SYN2: variants seen among roughly 807,000 people sequenced by gnomAD.
SYN2 encodes the protein synapsin II, also known as synapsin-2.
SYN2 carries 19 observed loss-of-function variants against 50.9 expected under a neutral mutation model. The observed-to-expected ratio is 0.37, with a 90% CI of 0.26 to 0.55. The LOEUF (loss-of-function observed/expected upper bound fraction) is 0.55, where lower values mean the gene tolerates loss of function less well. Among genes scored for constraint, SYN2 ranks in the 20% least tolerant of loss-of-function variants. SYN2 has a pLI of 0.81. For synonymous variants in SYN2, 255 were observed against 224.9 expected, an observed-to-expected ratio of 1.13 and a Z score of -1.20; for missense variants, 587 against 576.4, an observed-to-expected ratio of 1.02 and a Z score of -0.19.
intron 1 of SYN2, among the ~76,000 whole-genome samples, chr3:12,128,588 T>G (rs1696722781): frequency 6.6e-6 from 1 of 152,208 alleles, no homozygotes; most frequent in South Asian, 2.1e-4. Context: ...CATATTATCA[T>G]GTGAATAAAA....
At chr3:12,183,700 T>C (rs887174457) in intron 11 of SYN2, 6 of 1,270,822 alleles carry the variant, frequency 4.7e-6, no homozygotes, top group Non-Finnish European at 5.9e-6. Context: ...TACAAAAGAA[T>C]TGTGCCTCTC....
chr3:12,116,556 C>G (rs1021286220), intron 1 of SYN2, among the ~76,000 whole-genome samples: 10 of 152,032 alleles, frequency 6.6e-5, no homozygotes, highest in East Asian at 5.8e-4. Flanking sequence ...TTCTCACAAC[C>G]CTTTTCTAGT....
At chr3:12,081,584 T>TTG (rs1180532776) in intron 1 of SYN2, among the ~76,000 whole-genome samples, 1 of 152,192 alleles carries the variant, frequency 6.6e-6, no homozygotes, top group African/African-American at 2.4e-5. Context: ...ATAATATGTT[T>TTG]TGTATGTTTC....
intron 1 of SYN2, among the ~76,000 whole-genome samples, chr3:12,034,564 G>T (rs371486643): frequency 6.6e-6 from 1 of 152,156 alleles, no homozygotes; most frequent in Non-Finnish European, 1.5e-5. Flanking sequence ...TCAAGGGACC[G>T]TATCTGATGA....
intron 7 of SYN2, chr3:12,165,354 C>T (rs1187169925): frequency 2.0e-5 from 3 of 152,184 alleles, no homozygotes; most frequent in African/African-American, 7.2e-5. Flanking sequence ...GCCATGAAGT[C>T]ATTCAAAATT....
At chr3:12,114,370 A>G (rs1014192954) in intron 1 of SYN2, among the ~76,000 whole-genome samples, 7 of 152,084 alleles carry the variant, frequency 4.6e-5, no homozygotes, top group Non-Finnish European at 8.8e-5. Flanking sequence ...TATGATTTGC[A>G]AATATTTTCT....
chr3:12,143,954 C>T (rs1697086898), intron 3 of SYN2, among the ~76,000 whole-genome samples: 1 of 152,198 alleles, frequency 6.6e-6, no homozygotes, highest in Non-Finnish European at 1.5e-5. Flanking sequence ...TCCTTCAACC[C>T]TCACTTTAAA....
Position 12,191,086 on chromosome 3 carries a change from T to C in SYN2, c.*461T>C. The C allele has an allele frequency of 8.1e-6, 8 of 986,640 alleles. No individual in the cohort carries two copies. The highest frequency in any genetic ancestry group is 9.6e-6 in the Non-Finnish European group (8 of 830,802). The allele number at this position is 986,640 out of a possible 1,614,324, so 61.1% of individuals were successfully genotyped here. On this transcript the variant is annotated 3_prime_UTR_variant, in exon 13 of 13. Transcript: ENST00000621198. ...CAAAAGTACTCTTGGCCCTAAGTTT[T>C]AGGAACTTTCCCCGACCTGGATCCC...
chr3:12,012,432 A>G (rs75545917), intron 1 of SYN2, among the ~76,000 whole-genome samples: 7,269 of 152,280 alleles, frequency 0.048, 248 homozygotes, highest in East Asian at 0.14. Flanking sequence ...TTTTAAGCAA[A>G]ACAAAAGCAT....
rs537687392 is a variant in SYN2, at chr3:12,138,784, G to A, written c.378-1867G>A. Among the ~76,000 whole-genome samples, 4 of 152,312 alleles carry A rather than the reference G, an allele frequency of 2.6e-5. No individual in the cohort carries two copies. The South Asian group carries it at 6.2e-4, about 24-fold the overall frequency. On this transcript the variant is annotated intron_variant, in intron 1 of 12. Transcript: ENST00000621198. ...TTTTGAGACAGGAAAATAGGAGGAA[G>A]CATCAGAAAAGCATTGCTGATAACA...
At chr3:12,166,880 A>C (rs1447230962) in intron 7 of SYN2, among the ~76,000 whole-genome samples, 8 of 152,254 alleles carry the variant, frequency 5.3e-5, no homozygotes, top group Non-Finnish European at 1.2e-4. Flanking sequence ...ATCTAAGCTT[A>C]AGACTCAGAT....
At chr3:12,035,146 C>A (rs548072161) in intron 1 of SYN2, among the ~76,000 whole-genome samples, 1 of 152,208 alleles carries the variant, frequency 6.6e-6, no homozygotes, top group South Asian at 2.1e-4. Flanking sequence ...AACCCAACAT[C>A]ATGAATAACG....
chr3:12,070,951 A>G (rs1345488129), intron 1 of SYN2: 4 of 549,912 alleles, frequency 7.3e-6, no homozygotes, highest in Non-Finnish European at 1.1e-5. Context: ...TCTGGAGAAG[A>G]GCTAGGAGCT....
chr3:12,145,141 C>T (rs1427488723), intron 3 of SYN2, among the ~76,000 whole-genome samples: 3 of 152,194 alleles, frequency 2.0e-5, no homozygotes, highest in African/African-American at 7.2e-5. Context: ...GTTGCTCATG[C>T]ATGCACTCCC....
chr3:12,004,695 G>A lies in SYN2; in HGVS notation c.144G>A (p.Ser48=). Residue 48 remains serine (S), a synonymous_variant, in exon 1 of 13, where the codon TCG becomes TCA. Coordinates refer to ENST00000621198, the MANE Select transcript of SYN2 (RefSeq NM_133625.6). ...CCGGTCCGGGCGCCGCCTCGGCCTCGGCGGCGCCCCCGACCGCCTCGCCGG... is the reference window on the plus strand; with the variant it reads ...CCGGTCCGGGCGCCGCCTCGGCCTCAGCGGCGCCCCCGACCGCCTCGCCGG... ...PPPGPGAASA[S]AAPPTASPGP... The A allele has an allele frequency of 1.1e-5, 2 of 174,674 alleles. 1 individual carries two copies. Among genetic ancestry groups the A allele is most frequent in the South Asian group, 3.4e-4 (2 of 5,826 alleles). The allele number at this position is 174,674 out of a possible 1,614,324, so 10.8% of individuals were successfully genotyped here. A position where few individuals can be genotyped will look rare whatever the true frequency, so the allele number is the denominator to read the frequency against.
chr3:12,070,320 C>T (rs1696078162), intron 1 of SYN2: 3 of 504,980 alleles, frequency 5.9e-6, no homozygotes, highest in East Asian at 5.0e-5. Context: ...CCGTGTTCCC[C>T]TCCATCCTTA....
chr3:12,039,260 G>T (rs767972515), intron 1 of SYN2, among the ~76,000 whole-genome samples: 1 of 152,042 alleles, frequency 6.6e-6, no homozygotes, highest in African/African-American at 2.4e-5. Context: ...TCACTTAGTC[G>T]TGTTATATAA....
chr3:12,026,712 G>C (rs1279288266), intron 1 of SYN2, among the ~76,000 whole-genome samples: 1 of 152,228 alleles, frequency 6.6e-6, no homozygotes, highest in East Asian at 1.9e-4. Flanking sequence ...GCTAGGAGAC[G>C]TGGCTGGGAG....
chr3:12,006,437 C>T (rs1437043330), intron 1 of SYN2, among the ~76,000 whole-genome samples: 3 of 152,094 alleles, frequency 2.0e-5, no homozygotes, highest in East Asian at 3.9e-4. Flanking sequence ...GTGCTTATTA[C>T]GGAGGAAGGG....
Sources: allele counts gnomAD v4.1 joint callset (sites outside exome capture counted in the v4.1 genomes callset), GRCh38; gene constraint gnomAD v4.1.1; transcripts MANE v1.5; gene names NCBI Gene and HGNC (gene_info 2026-07-23, HGNC 2026-07-21).